MAPK8: variants seen among roughly 807,000 people sequenced by gnomAD.
MAPK8 encodes mitogen-activated protein kinase 8, also known as JUN N-terminal kinase.
MAPK8 carries 13 observed loss-of-function variants against 52.9 expected under a neutral mutation model. The ratio of observed to expected loss-of-function variants is 0.25; its 90% CI spans 0.16 to 0.39. MAPK8 has a LOEUF of 0.39. Ranked by LOEUF, MAPK8 falls within the 10% of genes least tolerant of loss-of-function variation. The probability of loss-of-function intolerance (pLI) is 1.00; values close to 1 mark genes in which losing one functional copy is unlikely to be tolerated. For synonymous variants in MAPK8, 191 were observed against 169.8 expected (o/e 1.12, Z -0.97); for missense variants, 300 against 519.2 (o/e 0.58, Z 4.10).
At chr10:48,395,886 G>A (rs1164956304) in intron 1 of MAPK8, among the ~76,000 whole-genome samples, 3 of 152,100 alleles carry the variant, frequency 2.0e-5, no homozygotes, top group East Asian at 1.9e-4. Context: ...GGGGAGAAAT[G>A]ATGCTTTTTG....
intron 1 of MAPK8, among the ~76,000 whole-genome samples, chr10:48,323,965 AAC>A (rs1170735034): frequency 6.6e-6 from 1 of 152,190 alleles, no homozygotes; most frequent in Non-Finnish European, 1.5e-5. Context: ...GGTTCCTTAC[AAC>A]TGAACATTTT....
intron 1 of MAPK8, among the ~76,000 whole-genome samples, chr10:48,385,610 T>C (rs1486498791): frequency 6.6e-6 from 1 of 151,638 alleles, no homozygotes; most frequent in Non-Finnish European, 1.5e-5. Context: ...TAGTAAAAAA[T>C]GAGTTTTTTT....
chr10:48,330,913 A>G (rs533764736), intron 1 of MAPK8, among the ~76,000 whole-genome samples: 44 of 152,180 alleles, frequency 2.9e-4, no homozygotes, highest in African/African-American at 1.1e-3. Flanking sequence ...GAGCCATGCA[A>G]TTTGTCACAT....
intron 7 of MAPK8, chr10:48,425,248 C>G (rs774717528): frequency 2.7e-6 from 2 of 744,472 alleles, no homozygotes; most frequent in Non-Finnish European, 5.0e-6. Context: ...CCTTCAGGGT[C>G]CTGGAGTGTA....
chr10:48,378,088 C>G (rs1340733109), intron 1 of MAPK8, among the ~76,000 whole-genome samples: 2 of 152,076 alleles, frequency 1.3e-5, no homozygotes, highest in Non-Finnish European at 2.9e-5. Context: ...CTTTTCTTCC[C>G]CCCTCCCTCC....
chr10:48,352,434 G>T (rs1317587382), intron 1 of MAPK8, among the ~76,000 whole-genome samples: 3 of 152,066 alleles, frequency 2.0e-5, no homozygotes, highest in Non-Finnish European at 4.4e-5. Context: ...CAATGACCAA[G>T]TGGACTTTAT....
intron 1 of MAPK8, among the ~76,000 whole-genome samples, chr10:48,354,765 G>T (rs1258339138): frequency 6.6e-6 from 1 of 151,780 alleles, no homozygotes; most frequent in African/African-American, 2.4e-5. Context: ...ATAATTTGCA[G>T]TGCGAATTTA....
Position 48,438,932 on chromosome 10 carries a change from T to TA in MAPK8, c.*3904dup, listed in dbSNP as rs2045077211. On this transcript the variant is annotated 3_prime_UTR_variant, in exon 12 of 12. Coordinates refer to ENST00000374189, the MANE Select transcript of MAPK8 (RefSeq NM_001323329.2). ...GTAAAAATTTTACGAAGAAATAAAT[T>TA]ACTTTTGTAGGCCCAATATTTGGTA... The TA allele has an allele frequency of 6.6e-6, 1 of 152,196 alleles. No individual in the cohort carries two copies. Among genetic ancestry groups the TA allele is most frequent in the Admixed American group, 6.5e-5 (1 of 15,286 alleles). 9.4% of individuals were successfully genotyped at this position (152,196 alleles called of 1,614,324 possible). A position where few individuals can be genotyped will look rare whatever the true frequency, so the allele number is the denominator to read the frequency against.
intron 1 of MAPK8, among the ~76,000 whole-genome samples, chr10:48,377,158 T>TGTTC (rs1445274863): frequency 6.6e-6 from 1 of 151,570 alleles, no homozygotes; most frequent in Non-Finnish European, 1.5e-5. Flanking sequence ...TAAGTGGGAG[T>TGTTC]TGAACAATGG....
chr10:48,353,496 G>A (rs991220552), intron 1 of MAPK8, among the ~76,000 whole-genome samples: 9 of 152,196 alleles, frequency 5.9e-5, no homozygotes, highest in Admixed American at 1.3e-4. Flanking sequence ...AAAGTGGCCT[G>A]TTCAAATGGT....
chr10:48,435,057 G>GT lies in MAPK8; in HGVS notation c.*28_*29insT. 34 of 421,582 alleles carry GT rather than the reference G, an allele frequency of 8.1e-5. No homozygotes were observed. Among genetic ancestry groups the GT allele is most frequent in the Non-Finnish European group, 1.3e-4 (28 of 213,302 alleles). The allele number at this position is 421,582 out of a possible 1,614,324, so 26.1% of individuals were successfully genotyped here. A position where few individuals can be genotyped will look rare whatever the true frequency, so the allele number is the denominator to read the frequency against. On this transcript the variant is annotated 3_prime_UTR_variant, in exon 12 of 12. Coordinates refer to ENST00000374189, the MANE Select transcript of MAPK8 (RefSeq NM_001323329.2). The stretch of plus-strand genomic sequence containing the variant: ...ACTTGGGCCATCGGGGGGTGGGAGG[G>GT]ATGGGGAGTCGGTTAGTCATTGATA...
intron 2 of MAPK8, among the ~76,000 whole-genome samples, chr10:48,402,741 T>G (rs1247433910): frequency 6.6e-6 from 1 of 152,186 alleles, no homozygotes; most frequent in African/African-American, 2.4e-5. Context: ...TCTCCTAGGT[T>G]CTAAAAAAAC....
At chr10:48,347,227 C>T (rs1469991330) in intron 1 of MAPK8, among the ~76,000 whole-genome samples, 2 of 152,068 alleles carry the variant, frequency 1.3e-5, no homozygotes, top group African/African-American at 4.8e-5. Context: ...AGGAAGCTTA[C>T]TATAATGGAA....
chr10:48,439,305 C>T lies in MAPK8; in HGVS notation c.*4276C>T, dbSNP rs1452122953. On this transcript the variant is annotated 3_prime_UTR_variant, in exon 12 of 12. Transcript: ENST00000374189. Reference sequence around the variant, plus strand: ...ATGTAAACAATGTTATCTAGTATGTCAATTGGTTATAATATTTTAAATAAA... The same window carrying T: ...ATGTAAACAATGTTATCTAGTATGTTAATTGGTTATAATATTTTAAATAAA... The T allele has an allele frequency of 6.8e-6, 1 of 147,114 alleles. No homozygotes were observed. Among genetic ancestry groups the T allele is most frequent in the Non-Finnish European group, 1.5e-5 (1 of 67,052 alleles). 9.1% of individuals were successfully genotyped at this position (147,114 alleles called of 1,614,324 possible).
chr10:48,373,365 G>T (rs995812976), intron 1 of MAPK8, among the ~76,000 whole-genome samples: 2 of 151,738 alleles, frequency 1.3e-5, no homozygotes, highest in African/African-American at 4.8e-5. Flanking sequence ...CATAATGACA[G>T]GATCAATTTC....
chr10:48,423,296 G>A (rs951859647), intron 6 of MAPK8, among the ~76,000 whole-genome samples: 28 of 152,134 alleles, frequency 1.8e-4, no homozygotes, highest in African/African-American at 6.0e-4. Context: ...TACTCAATTC[G>A]TGGGAACTGA....
At chr10:48,331,013 T>A (rs1001212407) in intron 1 of MAPK8, among the ~76,000 whole-genome samples, 25 of 152,208 alleles carry the variant, frequency 1.6e-4, no homozygotes, top group African/African-American at 5.8e-4. Flanking sequence ...GCATTCTAAA[T>A]TGTGGCAGTT....
At chr10:48,373,275 C>CA (rs2040437328) in intron 1 of MAPK8, among the ~76,000 whole-genome samples, 1 of 152,038 alleles carries the variant, frequency 6.6e-6, no homozygotes, top group Non-Finnish European at 1.5e-5. Flanking sequence ...CTAGCCACTG[C>CA]AAAAACATAC....
intron 7 of MAPK8, chr10:48,424,662 A>G: frequency 2.2e-6 from 2 of 924,676 alleles, no homozygotes; most frequent in Non-Finnish European, 3.3e-6. Flanking sequence ...GTCAGGTATA[A>G]TGTATTTTGT....
Sources: allele counts gnomAD v4.1 joint callset (sites outside exome capture counted in the v4.1 genomes callset), GRCh38; gene constraint gnomAD v4.1.1; transcripts MANE v1.5; gene names NCBI Gene and HGNC (gene_info 2026-07-23, HGNC 2026-07-21).